The following NLRP9 variants were observed in gnomAD, a reference collection of about 807,000 sequenced individuals.
NLRP9 encodes NLR family pyrin domain containing 9, also known as NACHT, LRR and PYD domains-containing protein 9.
In NLRP9, 88 loss-of-function variants were observed where a neutral mutation model predicts 83.1. That is an observed-to-expected ratio of 1.06 (90% CI 0.89 to 1.26). NLRP9 has a LOEUF of 1.26. Ranked by LOEUF, NLRP9 falls within the 50% of genes most tolerant of loss-of-function variation. NLRP9 has a pLI of 0.00. For missense variants in NLRP9, 1,308 were observed against 1,179.3 expected (o/e 1.11, Z -1.60); for synonymous variants, 521 against 447.6 (o/e 1.16, Z -2.07).
Position 55,732,391 on chromosome 19 carries a change from A to C in NLRP9, c.1440T>G (p.Ser480Arg). Residue 480 changes from serine (S) to arginine (R), a missense_variant, in exon 2 of 9, where the codon AGT (serine) becomes AGG (arginine). Transcript: ENST00000332836. ...TCAAGAGGGTTTGAGGCTGAACCAC[A>C]CTTGCTCTTACAAGCTGGGTTATGC... Reference protein sequence around the residue: ...IGSITQLVRASVVQPQTLLTQ... With the variant: ...IGSITQLVRARVVQPQTLLTQ... The C allele has an allele frequency of 6.2e-7, 1 of 1,614,166 alleles. No homozygotes were observed. The highest frequency in any genetic ancestry group is 8.5e-7 in the Non-Finnish European group (1 of 1,180,044).
chr19:55,716,624 C>T, intron 5 of NLRP9, 104 bp downstream of exon 5: 2 of 916,692 alleles, frequency 2.2e-6, no homozygotes, highest in Non-Finnish European at 3.5e-6. Context: ...ACGGATTCCG[C>T]ATTCTGCTGC....
At chr19:55,720,277 T>C (rs899120389) in intron 4 of NLRP9, among the ~76,000 whole-genome samples, 6 of 152,306 alleles carry the variant, frequency 3.9e-5, no homozygotes, top group South Asian at 4.1e-4. Flanking sequence ...AATAAGACTT[T>C]GAGAGAAAAA....
rs1289748372 is a variant in NLRP9 at position 55,724,028 on chromosome 19, T to C, written c.2111A>G (p.His704Arg). ...GTSLSQSDIR[H>R]LCETLKHPMC... ...TGGATGTTTCAGCGTCTCACACAGG[T>C]GTCTGATGTCAGACTGGGAGAGGCT... Residue 704 changes from histidine (H) to arginine (R), a missense_variant, in exon 4 of 9, where the codon CAC becomes CGC. His to Arg is a conservative substitution (Grantham distance 29, BLOSUM62 0). Transcript: ENST00000332836. The C allele has an allele frequency of 6.2e-7, 1 of 1,614,032 alleles. No individual in the cohort carries two copies. Among genetic ancestry groups the C allele is most frequent in the South Asian group, 1.1e-5 (1 of 91,084 alleles).
intron 6 of NLRP9, among the ~76,000 whole-genome samples, chr19:55,713,073 CCTGG>C (rs1312463794): frequency 1.3e-5 from 2 of 150,394 alleles, no homozygotes; most frequent in Non-Finnish European, 3.0e-5. Flanking sequence ...TTCTCTCCTG[CCTGG>C]CTCTCTTTTC....
Position 55,712,673 on chromosome 19 carries a change from C to T in NLRP9, c.2502-83G>A, listed in dbSNP as rs118042108. The T allele has an allele frequency of 3.6e-4, 441 of 1,219,306 alleles. 6 individuals carry two copies. In the South Asian group the frequency reaches 4.8e-3, roughly 13 times the overall value. The allele number at this position is 1,219,306 out of a possible 1,614,324, so 75.5% of individuals were successfully genotyped here. A position where few individuals can be genotyped will look rare whatever the true frequency, so the allele number is the denominator to read the frequency against. ...ACCTTATTTTCATTTATTCATATGA[C>T]GCAAGAAATACCCAAGTAAATCTGA... On this transcript the variant is annotated intron_variant, in intron 6 of 8. Coordinates refer to ENST00000332836, the MANE Select transcript of NLRP9 (RefSeq NM_176820.4).
At chr19:55,711,632 C>G in intron 8 of NLRP9, 168 bp downstream of exon 8, 1 of 864,590 alleles carries the variant, frequency 1.2e-6, no homozygotes, top group Non-Finnish European at 1.9e-6. Flanking sequence ...TGACATCTTA[C>G]AATGTCAATG....
At chr19:55,709,246 A>C (rs186622239) in intron 8 of NLRP9, 16 of 379,172 alleles carry the variant, frequency 4.2e-5, no homozygotes, top group Non-Finnish European at 7.5e-5. Flanking sequence ...GTGAAATTTC[A>C]TATACAGGAT....
chr19:55,709,894 A>G (rs1358860180), intron 8 of NLRP9: 4 of 152,196 alleles, frequency 2.6e-5, no homozygotes, highest in African/African-American at 9.7e-5. Context: ...TTCCTGAAAG[A>G]ATATAACTAA....
chr19:55,722,153 C>A (rs1286727411), intron 4 of NLRP9, among the ~76,000 whole-genome samples: 5 of 146,614 alleles, frequency 3.4e-5, no homozygotes, highest in Admixed American at 3.4e-4. Context: ...GACCTTCCAC[C>A]ACCAATACCA....
intron 4 of NLRP9, among the ~76,000 whole-genome samples, chr19:55,718,499 A>G (rs1364956594): frequency 2.0e-5 from 3 of 152,246 alleles, no homozygotes; most frequent in Non-Finnish European, 4.4e-5. Flanking sequence ...ATATGCTGGC[A>G]GCAATACTGC....
chr19:55,733,420 G>A lies in NLRP9; in HGVS notation c.411C>T (p.Asp137=), dbSNP rs749518094. 5.6e-6 allele frequency: 9 copies of A among 1,613,696 alleles called. No homozygotes were observed. In the Admixed American group the frequency reaches 1.2e-4, roughly 21 times the overall value. The change falls in exon 2 of 9, where the codon GAC becomes GAT. Residue 137 remains aspartate, a synonymous_variant. Transcript: ENST00000332836. ...TMKNEYKELN[D]AYTAAARRHT... ...GTCGTCTAGCCGCAGCAGTATATGC[G>A]TCATTCAATTCTTTATACTCATTTT...
intron 3 of NLRP9, among the ~76,000 whole-genome samples, chr19:55,727,811 A>T (rs28720860): frequency 0.085 from 12,912 of 152,214 alleles, 1,793 homozygotes; most frequent in African/African-American, 0.29. Flanking sequence ...TTTAGTCAAC[A>T]GAGAAACACT....
At chr19:55,725,860 C>G (rs1988385170) in intron 3 of NLRP9, among the ~76,000 whole-genome samples, 1 of 152,018 alleles carries the variant, frequency 6.6e-6, no homozygotes, top group East Asian at 1.9e-4. Context: ...AACCCCATCT[C>G]TACTAAAATA....
At chr19:55,734,630 TA>T in intron 1 of NLRP9, among the ~76,000 whole-genome samples, 2 of 105,864 alleles carry the variant, frequency 1.9e-5, no homozygotes, top group African/African-American at 6.9e-5. Context: ...CATATATATA[TA>T]TATATATTTT....
chr19:55,729,050 C>CTTT (rs374589373), intron 3 of NLRP9, among the ~76,000 whole-genome samples: 2,541 of 69,962 alleles, frequency 0.036, 201 homozygotes, highest in African/African-American at 0.13. Flanking sequence ...TTTTCTTTTT[C>CTTT]TTTTTTTTTT....
intron 3 of NLRP9, among the ~76,000 whole-genome samples, chr19:55,724,828 C>G (rs1988350750): frequency 6.6e-6 from 1 of 152,112 alleles, no homozygotes; most frequent in Non-Finnish European, 1.5e-5. Context: ...GAGGCCAAGG[C>G]AGGCAGATCA....
chr19:55,716,297 C>T, intron 5 of NLRP9, among the ~76,000 whole-genome samples: 1 of 129,306 alleles, frequency 7.7e-6, no homozygotes, highest in African/African-American at 3.0e-5. Flanking sequence ...CTTGCTCTGT[C>T]TCCCAGGCTG....
At chr19:55,709,796 T>A (rs1262930474) in intron 8 of NLRP9, 1 of 152,226 alleles carries the variant, frequency 6.6e-6, no homozygotes, top group Admixed American at 6.5e-5. Flanking sequence ...GTTGAATCTC[T>A]GTCTCTTTAT....
At position 55,729,985 on chromosome 19, in the gene NLRP9, C is replaced by A; in HGVS notation, c.1840G>T (p.Glu614Ter). 6.2e-7 allele frequency: 1 copy of A among 1,612,554 alleles called. No individual in the cohort carries two copies. Among genetic ancestry groups the A allele is most frequent in the South Asian group, 1.1e-5 (1 of 90,966 alleles). ...DDSGCISDYN[E>*]KLVYWRELCS... The stretch of plus-strand genomic sequence containing the variant: ...AGCTCCCGCCAGTAGACGAGCTTCT[C>A]ATTGTAACTATGAGAGAACAAAGAT... The change falls in exon 3 of 9, where the codon GAG (glutamate) becomes TAG (stop). Residue 614 changes from glutamate (E) to a stop codon, truncating the protein, a stop_gained. Coordinates refer to ENST00000332836, the MANE Select transcript of NLRP9 (RefSeq NM_176820.4). LOFTEE classifies it high-confidence loss of function.
Sources: gnomAD v4.1 joint callset for allele counts (sites outside exome capture counted in the v4.1 genomes callset) on GRCh38, gnomAD v4.1.1 for gene constraint, MANE v1.5 for transcripts, NCBI Gene and HGNC (gene_info 2026-07-23, HGNC 2026-07-21) for gene names.